C5orf34: variants seen among roughly 807,000 people sequenced by gnomAD.
C5orf34 encodes uncharacterized protein C5orf34.
C5orf34 carries 73 observed loss-of-function variants against 78.4 expected under a neutral mutation model. That is an observed-to-expected ratio of 0.93 (90% CI 0.77 to 1.13). C5orf34 has a LOEUF of 1.13. Among genes scored for constraint, C5orf34 ranks in the 50% most tolerant of loss-of-function variants. The pLI, the probability that C5orf34 is intolerant of heterozygous loss-of-function variation, is 0.00. For synonymous variants in C5orf34, 251 were observed against 246.6 expected (o/e 1.02, Z -0.17); for missense variants, 730 against 732.7 (o/e 1.00, Z 0.04).
intron 1 of C5orf34, among the ~76,000 whole-genome samples, chr5:43,511,792 G>GT (rs772429732): frequency 3.9e-5 from 6 of 152,290 alleles, no homozygotes; most frequent in Non-Finnish European, 8.8e-5. Flanking sequence ...ATTAAGGGCA[G>GT]TGCAAGATGT....
At chr5:43,495,061 T>C (rs1745444066) in intron 6 of C5orf34, 1 of 1,466,296 alleles carries the variant, frequency 6.8e-7, no homozygotes. Context: ...TGGCAGGTAT[T>C]AGGGATAATA....
chr5:43,505,619 A>G, intron 4 of C5orf34, 129 bp downstream of exon 4: 1 of 862,604 alleles, frequency 1.2e-6, no homozygotes, highest in Non-Finnish European at 1.8e-6. Context: ...ATTATTTACT[A>G]TCAGTTAAAA....
chr5:43,509,806 AGTGCAGTG>A (rs1746149158), intron 1 of C5orf34, among the ~76,000 whole-genome samples: 1 of 151,932 alleles, frequency 6.6e-6, no homozygotes, highest in South Asian at 2.1e-4. Flanking sequence ...TCCAGGCTAG[AGTGCAGTG>A]GTGTGATCTC....
In C5orf34 at chr5:43,512,634, C is replaced by T. The variant is rs181059782; in HGVS notation, c.-37+2172G>A. On this transcript the variant is annotated intron_variant, in intron 1 of 12. Coordinates refer to ENST00000306862, the MANE Select transcript of C5orf34 (RefSeq NM_198566.4). ...CCACAGTTTTCTTCTTCACTTCTAC[C>T]TGTTTTTAGTTTAATCATTCTTCTT... Among the ~76,000 whole-genome samples, 28 of 152,238 alleles carry T rather than the reference C, an allele frequency of 1.8e-4. No individual in the cohort carries two copies. In the East Asian group the frequency reaches 5.2e-3, roughly 28 times the overall value.
chr5:43,495,386 G>A lies in C5orf34; in HGVS notation c.1153-785C>T, dbSNP rs1299701699. ...AGCCGCGTGGCAATCCAATATAGGG[G>A]CATAGCCAGCGCTTATTTGGCCTGG... On this transcript the variant is annotated intron_variant, in intron 6 of 12. Coordinates refer to ENST00000306862, the MANE Select transcript of C5orf34 (RefSeq NM_198566.4). The A allele has an allele frequency of 5.2e-5, 83 of 1,611,604 alleles. No homozygotes were observed. The Admixed American group carries it at 1.4e-3, about 26-fold the overall frequency.
At chr5:43,496,556 T>A in intron 6 of C5orf34, 10 of 769,338 alleles carry the variant, frequency 1.3e-5, no homozygotes, top group Non-Finnish European at 1.7e-5. Flanking sequence ...ATAGAATTAC[T>A]CCTATTCATT....
intron 5 of C5orf34, 142 bp from the exon 6 acceptor site, chr5:43,502,637 C>T (rs980221454): frequency 3.4e-6 from 2 of 594,448 alleles, no homozygotes; most frequent in Non-Finnish European, 5.9e-6. Flanking sequence ...CAGATAATTT[C>T]ATATTCTGAA....
At position 43,510,007 on chromosome 5, in the gene C5orf34, C is replaced by T. The variant is rs988164289; in HGVS notation, c.-36-632G>A. ...TGACCTTGAGATCTGCCTGCCTCAG[C>T]CTCCCAAAGTGCTGGCATTACAGAC... On this transcript the variant is annotated intron_variant, in intron 1 of 12. Coordinates refer to ENST00000306862, the MANE Select transcript of C5orf34 (RefSeq NM_198566.4). Among the ~76,000 whole-genome samples, 10 of 152,244 alleles carry T rather than the reference C, an allele frequency of 6.6e-5. No individual in the cohort carries two copies. In the South Asian group the frequency reaches 1.4e-3, roughly 22 times the overall value.
intron 6 of C5orf34, chr5:43,495,572 T>A: frequency 6.2e-7 from 1 of 1,612,650 alleles, no homozygotes; most frequent in East Asian, 2.2e-5. Flanking sequence ...CAAAGCTTCA[T>A]GGTGCATTTC....
chr5:43,489,151 C>A (rs556381759), intron 11 of C5orf34, among the ~76,000 whole-genome samples: 1 of 151,594 alleles, frequency 6.6e-6, no homozygotes, highest in Non-Finnish European at 1.5e-5. Context: ...AACAATACAA[C>A]CTTTATTGTT....
chr5:43,491,958 C>A lies in C5orf34; in HGVS notation c.1580+257G>T, dbSNP rs552066297. ...GGCGGAGGTTGTGGTGAGCCGAGAT[C>A]GTGCCATTGTACTCCGGCCCAGGCC... On this transcript the variant is annotated intron_variant, in intron 10 of 12. Transcript: ENST00000306862. 2.8e-5 allele frequency among the ~76,000 whole-genome samples: 4 copies of A among 145,044 alleles called. No individual in the cohort carries two copies. In the East Asian group the frequency reaches 8.1e-4, roughly 30 times the overall value.
chr5:43,499,447 GTGAGTACTTGTCAA>G (rs1745669605), intron 6 of C5orf34, among the ~76,000 whole-genome samples: 1 of 152,096 alleles, frequency 6.6e-6, no homozygotes, highest in South Asian at 2.1e-4. Context: ...TACTTACACT[GTGAGTACTTGTCAA>G]TCTTTCCTAT....
intron 6 of C5orf34, among the ~76,000 whole-genome samples, chr5:43,501,850 C>A (rs1745772640): frequency 6.6e-6 from 1 of 152,076 alleles, no homozygotes; most frequent in Admixed American, 6.5e-5. Context: ...GGGCAATAAG[C>A]AAATTAAAAC....
chr5:43,506,325 C>T lies in C5orf34; in HGVS notation c.355G>A (p.Glu119Lys), dbSNP rs1181233952. The change falls in exon 4 of 13, where the codon GAG (glutamate) becomes AAG (lysine). Residue 119 changes from glutamate to lysine, a missense_variant. Transcript: ENST00000306862. Reference protein sequence around the residue: ...LDTDGTMIYMESGIVKITSLD... With the variant: ...LDTDGTMIYMKSGIVKITSLD... ...GATGTTATCTTCACAATGCCACTCTCCATATATATCATGGTACCATCTGTA... is the reference window on the plus strand; with the variant it reads ...GATGTTATCTTCACAATGCCACTCTTCATATATATCATGGTACCATCTGTA... 3.1e-6 allele frequency: 5 copies of T among 1,613,976 alleles called. No individual in the cohort carries two copies. The Admixed American group carries it at 6.7e-5, about 22-fold the overall frequency.
At chr5:43,512,779 TTTTTTTTTTTTTTTTTTTTTTTG>T (rs1393553664) in intron 1 of C5orf34, among the ~76,000 whole-genome samples, 19 of 29,648 alleles carry the variant, frequency 6.4e-4, no homozygotes, top group Admixed American at 1.4e-3. Flanking sequence ...TTTTTTTTTT[TTTTTTTTTTTTTTTTTTTTTTTG>T]AGACAGAGTC....
chr5:43,507,139 A>C (rs536837922), intron 3 of C5orf34, among the ~76,000 whole-genome samples: 67 of 152,362 alleles, frequency 4.4e-4, no homozygotes, highest in African/African-American at 1.5e-3. Context: ...AAACTTTAAA[A>C]AAGTTTAATT....
At chr5:43,495,430 C>G (rs1357621988) in intron 6 of C5orf34, 5 of 1,611,440 alleles carry the variant, frequency 3.1e-6, no homozygotes, top group Non-Finnish European at 3.4e-6. Flanking sequence ...GGATAATTAC[C>G]TGAGCAATGA....
intron 6 of C5orf34, among the ~76,000 whole-genome samples, 169 bp from the exon 7 acceptor site, chr5:43,494,770 A>ATT (rs766158592): frequency 6.7e-6 from 1 of 148,950 alleles, no homozygotes; most frequent in Non-Finnish European, 1.5e-5. Context: ...TCATTTTCCC[A>ATT]TTTTTTTTTT....
rs774751234 is a variant in C5orf34, at chr5:43,502,500, G to C, written c.1029-5C>G. ...TTCATATTTTGATGGGTAAGTCTAA[G>C]AAATAGAAATAACCATTAAAAATTT... On this transcript the variant is annotated splice_polypyrimidine_tract_variant and splice_region_variant and intron_variant, in intron 5 of 12. Coordinates refer to ENST00000306862, the MANE Select transcript of C5orf34 (RefSeq NM_198566.4). 5 of 1,517,474 alleles carry C rather than the reference G, an allele frequency of 3.3e-6. No homozygotes were observed. The highest frequency in any genetic ancestry group is 4.5e-6 in the Non-Finnish European group (5 of 1,115,462). 94.0% of individuals were successfully genotyped at this position (1,517,474 alleles called of 1,614,324 possible). A position where few individuals can be genotyped will look rare whatever the true frequency, so the allele number is the denominator to read the frequency against.
Sources: gnomAD v4.1 joint callset for allele counts (sites outside exome capture counted in the v4.1 genomes callset) on GRCh38, gnomAD v4.1.1 for gene constraint, MANE v1.5 for transcripts, NCBI Gene and HGNC (gene_info 2026-07-23, HGNC 2026-07-21) for gene names.